Variants in ACSM2B observed in about 807,000 individuals in gnomAD.
ACSM2B encodes the protein acyl-CoA synthetase medium chain family member 2B.
In ACSM2B, 58 loss-of-function variants were observed where a neutral mutation model predicts 78.6. That is an observed-to-expected ratio of 0.74 (90% confidence interval 0.60 to 0.92). The LOEUF is 0.92. ACSM2B is among the 40% of genes least tolerant of loss of function. ACSM2B has a pLI of 0.00. For synonymous variants in ACSM2B, 257 were observed against 256.8 expected, an observed-to-expected ratio of 1.00 and a Z score of -0.01; for missense variants, 688 against 711.2, an observed-to-expected ratio of 0.97 and a Z score of 0.37.
At chr16:20,540,305 T>C (rs1404311134) in intron 13 of ACSM2B, among the ~76,000 whole-genome samples, 4 of 149,114 alleles carry the variant, frequency 2.7e-5, no homozygotes, top group African/African-American at 7.3e-5. Context: ...TGCAGTGGCA[T>C]GATCTCGGCT....
intron 1 of ACSM2B, among the ~76,000 whole-genome samples, chr16:20,572,893 T>G (rs2016130267): frequency 6.6e-6 from 1 of 151,938 alleles, no homozygotes; most frequent in African/African-American, 2.4e-5. Context: ...CGTTTTTCTC[T>G]GTGTTCTTTA....
chr16:20,572,981 T>A (rs1458290575), intron 1 of ACSM2B, among the ~76,000 whole-genome samples: 3 of 151,538 alleles, frequency 2.0e-5, no homozygotes, highest in African/African-American at 4.8e-5. Flanking sequence ...TGTATTTTTT[T>A]TTTTTTCCTT....
rs116819877 is a variant in ACSM2B, at chr16:20,539,019, T to C, written c.1629+1635A>G. 2.9e-3 allele frequency among the ~76,000 whole-genome samples: 444 copies of C among 152,176 alleles called. 5 individuals carry two copies. The highest frequency in any genetic ancestry group is 0.01 in the African/African-American group (429 of 41,534). On this transcript the variant is annotated intron_variant, in intron 13 of 13. Coordinates refer to ENST00000329697, the MANE Select transcript of ACSM2B (RefSeq NM_001105069.2). The stretch of plus-strand genomic sequence containing the variant: ...ACACTCCTTCCCAGGGCAGCCTACA[T>C]CCATACCTGATCCACCTGTGACCGT...
chr16:20,562,425 T>C (rs12928064), intron 2 of ACSM2B, among the ~76,000 whole-genome samples: 28 of 152,300 alleles, frequency 1.8e-4, no homozygotes, highest in Admixed American at 3.3e-4. Context: ...AGAGTTATAC[T>C]ACTTTTTGGT....
intron 1 of ACSM2B, among the ~76,000 whole-genome samples, chr16:20,570,502 G>C (rs1455905043): frequency 2.0e-5 from 3 of 151,886 alleles, no homozygotes; most frequent in African/African-American, 7.2e-5. Flanking sequence ...TGTTCATCAA[G>C]GATATTGGTC....
Position 20,548,075 on chromosome 16 carries a change from C to G in ACSM2B, c.1085G>C (p.Gly362Ala). The G allele has an allele frequency of 5.0e-6, 8 of 1,614,002 alleles. No individual in the cohort carries two copies. The highest frequency in any genetic ancestry group is 6.8e-6 in the Non-Finnish European group (8 of 1,179,902). The change falls in exon 8 of 14, where the codon GGC (glycine) becomes GCC (alanine). Residue 362 changes from glycine (G) to alanine (A), a missense_variant. Coordinates refer to ENST00000329697, the MANE Select transcript of ACSM2B (RefSeq NM_001105069.2). ...QTGLDIREFY[G>A]QTETGLTCMV... is the part of the protein sequence containing the mutation. ...GGGAACAGGTACCGTTTCTGTCTGG[C>G]CATAGAATTCTCGGATGTCCAGTCC...
chr16:20,558,762 T>C (rs2152141122), intron 3 of ACSM2B, among the ~76,000 whole-genome samples: 1 of 152,344 alleles, frequency 6.6e-6, no homozygotes, highest in Middle Eastern at 3.4e-3. Flanking sequence ...ACTCTCTCGT[T>C]CCAACTACTC....
At chr16:20,561,511 A>G (rs2015654458) in intron 2 of ACSM2B, among the ~76,000 whole-genome samples, 4 of 151,832 alleles carry the variant, frequency 2.6e-5, no homozygotes, top group Admixed American at 2.6e-4. Flanking sequence ...GTGCTAAGTC[A>G]TTCGTGTGGG....
chr16:20,546,521 A>G (rs1467415830), intron 8 of ACSM2B, 47 bp from the exon 9 acceptor site: 8 of 1,573,632 alleles, frequency 5.1e-6, no homozygotes, highest in Non-Finnish European at 5.2e-6. Flanking sequence ...AGGAGGTACA[A>G]GGTCACAGAA....
intron 12 of ACSM2B, chr16:20,542,633 A>T (rs1427632346): frequency 3.2e-5 from 13 of 412,226 alleles, no homozygotes; most frequent in South Asian, 4.4e-5. Context: ...GGATTGCTGG[A>T]TCATATGGTA....
In ACSM2B at chr16:20,559,375, T is replaced by C. The variant is rs1430061575; in HGVS notation, c.250A>G (p.Arg84Gly). 1 of 1,612,020 alleles carries C rather than the reference T, an allele frequency of 6.2e-7. No homozygotes were observed. Among genetic ancestry groups the C allele is most frequent in the Non-Finnish European group, 8.5e-7 (1 of 1,178,928 alleles). ...TGCTGGCTGTTTTCACTCAGTTCTC[T>C]GAAATTCCACATTAATTCCTTCCCC... ...GKGKELMWNF[R>G]ELSENSQQAA... Residue 84 changes from arginine (R) to glycine (G), a missense_variant, in exon 3 of 14, where the codon AGA (arginine) becomes GGA (glycine). Physicochemically the swap from Arg to Gly is moderately radical, Grantham distance 125. Coordinates refer to ENST00000329697, the MANE Select transcript of ACSM2B (RefSeq NM_001105069.2).
chr16:20,543,523 T>A (rs1170788884), intron 10 of ACSM2B, among the ~76,000 whole-genome samples: 1 of 152,234 alleles, frequency 6.6e-6, no homozygotes, highest in Non-Finnish European at 1.5e-5. Flanking sequence ...GATGTATTCA[T>A]TCATCCATGC....
intron 2 of ACSM2B, among the ~76,000 whole-genome samples, chr16:20,563,812 A>C (rs2015738665): frequency 6.6e-6 from 1 of 152,100 alleles, no homozygotes; most frequent in African/African-American, 2.4e-5. Context: ...TCATGCTGGT[A>C]GCTCCACCCC....
At chr16:20,567,417 AATATAGTATATTAATATATAAT>A (rs1334346498) in intron 1 of ACSM2B, among the ~76,000 whole-genome samples, 2 of 119,210 alleles carry the variant, frequency 1.7e-5, no homozygotes, top group East Asian at 4.2e-4. Flanking sequence ...TATAATATAT[AATATAGTATATTAATATATAAT>A]ATATAGTATA....
At chr16:20,573,156 C>A (rs1489951764) in intron 1 of ACSM2B, among the ~76,000 whole-genome samples, 1 of 151,670 alleles carries the variant, frequency 6.6e-6, no homozygotes, top group Non-Finnish European at 1.5e-5. Flanking sequence ...TTATCATATT[C>A]CCAGAATCGT....
At chr16:20,559,174 T>C (rs2015564286) in intron 3 of ACSM2B, 63 bp downstream of exon 3, 1 of 1,500,194 alleles carries the variant, frequency 6.7e-7, no homozygotes, top group Admixed American at 2.2e-5. Flanking sequence ...GTGGCTGCAT[T>C]TCTCTGCTAT....
chr16:20,552,356 G>A, intron 5 of ACSM2B, 59 bp from the exon 6 acceptor site: 1 of 1,560,930 alleles, frequency 6.4e-7, no homozygotes. Context: ...GGATGCGTGG[G>A]ACACTAAGGT....
chr16:20,536,959 C>G lies in ACSM2B; in HGVS notation c.*299G>C. ...TTCCTCCTTCCCTTGCTTCCTCTCGCCTTCCCTCCCTACTTTATTTCTTTT... is the reference window on the plus strand; with the variant it reads ...TTCCTCCTTCCCTTGCTTCCTCTCGGCTTCCCTCCCTACTTTATTTCTTTT... On this transcript the variant is annotated 3_prime_UTR_variant, in exon 14 of 14. Coordinates refer to ENST00000329697, the MANE Select transcript of ACSM2B (RefSeq NM_001105069.2). The G allele has an allele frequency of 2.1e-5, 5 of 238,182 alleles. No homozygotes were observed. The highest frequency in any genetic ancestry group is 8.1e-5 in the East Asian group (1 of 12,420). The allele number at this position is 238,182 out of a possible 1,614,324, so 14.8% of individuals were successfully genotyped here. A position where few individuals can be genotyped will look rare whatever the true frequency, so the allele number is the denominator to read the frequency against.
At chr16:20,566,658 AT>A (rs369648655) in intron 1 of ACSM2B, among the ~76,000 whole-genome samples, 1,575 of 7,078 alleles carry the variant, frequency 0.22, 260 homozygotes, top group African/African-American at 0.41. Context: ...TACTATATAT[AT>A]GTATATATAG....
Sources: gnomAD v4.1 joint callset for allele counts (sites outside exome capture counted in the v4.1 genomes callset) on GRCh38, gnomAD v4.1.1 for gene constraint, MANE v1.5 for transcripts, NCBI Gene and HGNC (gene_info 2026-07-23, HGNC 2026-07-21) for gene names.